Variants in OR5A1 observed in about 807,000 individuals in gnomAD.
OR5A1 encodes the protein olfactory receptor family 5 subfamily A member 1.
Under a neutral mutation model 6.7 loss-of-function variants are expected in OR5A1, and 6 were observed. The observed-to-expected ratio is 0.89, with a 90% CI of 0.49 to 1.76. The LOEUF is 1.76. Ranked by LOEUF, OR5A1 falls within the 40% of genes most tolerant of loss-of-function variation. The pLI is 0.01. For missense variants in OR5A1, 378 were observed against 381.7 expected (o/e 0.99, Z 0.08); for synonymous variants, 170 against 155.0 (o/e 1.10, Z -0.72).
rs1858528162 is a variant in OR5A1 at position 59,444,732 on chromosome 11, T to C, written c.*616T>C. 6.6e-6 allele frequency: 1 copy of C among 152,284 alleles called. No homozygotes were observed. Among genetic ancestry groups the C allele is most frequent in the African/African-American group, 2.4e-5 (1 of 41,450 alleles). 9.4% of individuals were successfully genotyped at this position (152,284 alleles called of 1,614,324 possible). On this transcript the variant is annotated 3_prime_UTR_variant, in exon 2 of 2. Coordinates refer to ENST00000641045, the MANE Select transcript of OR5A1 (RefSeq NM_001004728.2). Reference sequence around the variant, plus strand: ...AGGTAAATTAGAAAAACAAGATGCCTACCTCATCAAATGCCCTCTCTAGGA... The same window carrying C: ...AGGTAAATTAGAAAAACAAGATGCCCACCTCATCAAATGCCCTCTCTAGGA...
chr11:59,443,603 A>G lies in OR5A1; in HGVS notation c.435A>G (p.Thr145=). The G allele has an allele frequency of 6.2e-7, 1 of 1,613,868 alleles. No individual in the cohort carries two copies. Among genetic ancestry groups the G allele is most frequent in the Non-Finnish European group, 8.5e-7 (1 of 1,179,966 alleles). ...YPTIMTQGLC[T]RMVVGAYVGG... ...CTATCATGACCCAGGGCCTCTGTAC[A>G]CGCATGGTGGTTGGGGCATATGTTG... The change falls in exon 2 of 2, where the codon ACA becomes ACG. Residue 145 remains threonine (T), a synonymous_variant. Transcript: ENST00000641045.
At chr11:59,442,085 C>T (rs1858488397) in intron 1 of OR5A1, among the ~76,000 whole-genome samples, 1 of 152,172 alleles carries the variant, frequency 6.6e-6, no homozygotes, top group East Asian at 1.9e-4. Context: ...TGGTCAACAT[C>T]GCACATCTAC....
In OR5A1 at chr11:59,444,987, T is replaced by G. The variant is rs1317874994; in HGVS notation, c.*871T>G. 6.6e-6 allele frequency: 1 copy of G among 152,164 alleles called. No individual in the cohort carries two copies. Among genetic ancestry groups the G allele is most frequent in the African/African-American group, 2.4e-5 (1 of 41,428 alleles). The allele number at this position is 152,164 out of a possible 1,614,324, so 9.4% of individuals were successfully genotyped here. A position where few individuals can be genotyped will look rare whatever the true frequency, so the allele number is the denominator to read the frequency against. ...AATATTTCACTAAATGTTGTATTTTTTTTCTTTTAATTTAATTTAATTTTA... is the reference window on the plus strand; with the variant it reads ...AATATTTCACTAAATGTTGTATTTTGTTTCTTTTAATTTAATTTAATTTTA... On this transcript the variant is annotated 3_prime_UTR_variant, in exon 2 of 2. Transcript: ENST00000641045.
rs894183882 is a variant in OR5A1, at chr11:59,450,285, G to C, written c.*6169G>C. The C allele has an allele frequency of 6.6e-6, 1 of 152,134 alleles. No homozygotes were observed. The highest frequency in any genetic ancestry group is 1.5e-5 in the Non-Finnish European group (1 of 68,022). 9.4% of individuals were successfully genotyped at this position (152,134 alleles called of 1,614,324 possible). ...AAGGTGATTGACCAGAAGAGTAGGTGGAATAATGTTAATCTGAAAGAGAAG... is the reference window on the plus strand; with the variant it reads ...AAGGTGATTGACCAGAAGAGTAGGTCGAATAATGTTAATCTGAAAGAGAAG... On this transcript the variant is annotated 3_prime_UTR_variant, in exon 2 of 2. Coordinates refer to ENST00000641045, the MANE Select transcript of OR5A1 (RefSeq NM_001004728.2).
chr11:59,437,498 GGCTTGATA>G (rs1858432169), intron 1 of OR5A1, among the ~76,000 whole-genome samples: 1 of 152,076 alleles, frequency 6.6e-6, no homozygotes, highest in Admixed American at 6.5e-5. Context: ...GTCTTTTCAT[GGCTTGATA>G]GCTCATTTAT....
In OR5A1 at chr11:59,443,215, T is replaced by A. The variant is rs542921482; in HGVS notation, c.47T>A (p.Ile16Asn). 6.2e-7 allele frequency: 1 copy of A among 1,614,104 alleles called. No individual in the cohort carries two copies. Among genetic ancestry groups the A allele is most frequent in the Admixed American group, 1.7e-5 (1 of 60,012 alleles). ...AWNSSSVTMF[I>N]LLGFTDHPEL... ...AACAGCTCATCAGTGACCATGTTCA[T>A]CCTCCTGGGATTCACAGACCATCCA... Residue 16 changes from isoleucine to asparagine, a missense_variant, in exon 2 of 2, where the codon ATC becomes AAC. Ile to Asn is a moderately radical substitution (Grantham distance 149). Coordinates refer to ENST00000641045, the MANE Select transcript of OR5A1 (RefSeq NM_001004728.2).
chr11:59,439,473 C>T (rs115362352), intron 1 of OR5A1, among the ~76,000 whole-genome samples: 4 of 152,280 alleles, frequency 2.6e-5, no homozygotes, highest in African/African-American at 9.6e-5. Flanking sequence ...CCAGGCTCCC[C>T]AAGTTTGCTG....
At chr11:59,439,222 C>A (rs748130998) in intron 1 of OR5A1, among the ~76,000 whole-genome samples, 3 of 152,176 alleles carry the variant, frequency 2.0e-5, no homozygotes, top group Non-Finnish European at 4.4e-5. Flanking sequence ...ATCAACTCTA[C>A]GAGTCCCCAT....
At position 59,443,591 on chromosome 11, in the gene OR5A1, G is replaced by A. The variant is rs762371779; in HGVS notation, c.423G>A (p.Gln141=). ...SPLLYPTIMT[Q]GLCTRMVVGA... is the part of the protein sequence containing the mutation. ...TTCTCTACCCCACTATCATGACCCA[G>A]GGCCTCTGTACACGCATGGTGGTTG... Residue 141 remains glutamine (Q), a synonymous_variant, in exon 2 of 2, where the codon CAG becomes CAA. Transcript: ENST00000641045. 6.2e-7 allele frequency: 1 copy of A among 1,613,940 alleles called. No individual in the cohort carries two copies. Among genetic ancestry groups the A allele is most frequent in the Admixed American group, 1.7e-5 (1 of 59,986 alleles).
rs1170347507 is a variant in OR5A1 at position 59,450,316 on chromosome 11, A to G, written c.*6200A>G. The G allele has an allele frequency of 6.6e-6, 1 of 152,212 alleles. No individual in the cohort carries two copies. Among genetic ancestry groups the G allele is most frequent in the Non-Finnish European group, 1.5e-5 (1 of 68,040 alleles). 9.4% of individuals were successfully genotyped at this position (152,212 alleles called of 1,614,324 possible). A position where few individuals can be genotyped will look rare whatever the true frequency, so the allele number is the denominator to read the frequency against. On this transcript the variant is annotated 3_prime_UTR_variant, in exon 2 of 2. Transcript: ENST00000641045. ...ATGTTAATCTGAAAGAGAAGTCAAC[A>G]GTAAGTAGATTTGACCTCAGTTCCC...
intron 1 of OR5A1, 108 bp from the exon 2 acceptor site, chr11:59,443,028 A>G (rs1007622165): frequency 4.8e-6 from 3 of 622,660 alleles, no homozygotes; most frequent in Admixed American, 2.9e-5. Context: ...AAAGAGAAAG[A>G]GAGTCTTTGC....
At position 59,443,590 on chromosome 11, in the gene OR5A1, A is replaced by G. The variant is rs1445328148; in HGVS notation, c.422A>G (p.Gln141Arg). ...CTTCTCTACCCCACTATCATGACCCAGGGCCTCTGTACACGCATGGTGGTT... is the reference window on the plus strand; with the variant it reads ...CTTCTCTACCCCACTATCATGACCCGGGGCCTCTGTACACGCATGGTGGTT... ...SPLLYPTIMT[Q>R]GLCTRMVVGA... The change falls in exon 2 of 2, where the codon CAG (glutamine) becomes CGG (arginine). Residue 141 changes from glutamine (Q) to arginine (R), a missense_variant. Transcript: ENST00000641045. 1.2e-6 allele frequency: 2 copies of G among 1,613,786 alleles called. No individual in the cohort carries two copies. Among genetic ancestry groups the G allele is most frequent in the Admixed American group, 3.3e-5 (2 of 59,980 alleles).
intron 1 of OR5A1, among the ~76,000 whole-genome samples, chr11:59,438,990 C>G (rs1858452499): frequency 1.3e-5 from 2 of 152,154 alleles, no homozygotes; most frequent in Non-Finnish European, 1.5e-5. Context: ...CAGGCACTGG[C>G]AGGGATGAGA....
chr11:59,443,721 C>CCACCAGT lies in OR5A1; in HGVS notation c.555_561dup (p.Leu188ThrfsTer9), dbSNP rs1433281375. Reference sequence around the variant, plus strand: ...CATCAACCACTTCTTCTGCGACCTCCCACCAGTCCTGGCTCTGTCTTGCTC... The same window carrying CCACCAGT: ...CATCAACCACTTCTTCTGCGACCTCCCACCAGTCACCAGTCCTGGCTCTGTCTTGCTC... On this transcript the variant is annotated frameshift_variant, in exon 2 of 2. Coordinates refer to ENST00000641045, the MANE Select transcript of OR5A1 (RefSeq NM_001004728.2). LOFTEE classifies it high-confidence loss of function. 1 of 1,613,994 alleles carries CCACCAGT rather than the reference C, an allele frequency of 6.2e-7. No individual in the cohort carries two copies. Among genetic ancestry groups the CCACCAGT allele is most frequent in the East Asian group, 2.2e-5 (1 of 44,886 alleles).
Position 59,449,421 on chromosome 11 carries a change from A to C in OR5A1, c.*5305A>C, listed in dbSNP as rs1858590193. 1 of 152,188 alleles carries C rather than the reference A, an allele frequency of 6.6e-6. No individual in the cohort carries two copies. The highest frequency in any genetic ancestry group is 1.5e-5 in the Non-Finnish European group (1 of 68,024). 9.4% of individuals were successfully genotyped at this position (152,188 alleles called of 1,614,324 possible). On this transcript the variant is annotated 3_prime_UTR_variant, in exon 2 of 2. Coordinates refer to ENST00000641045, the MANE Select transcript of OR5A1 (RefSeq NM_001004728.2). ...GGAAGTATATGTCATCTTGAACTAGAAGCTTCAGGCTGATTAAGATCTCCT... is the reference window on the plus strand; with the variant it reads ...GGAAGTATATGTCATCTTGAACTAGCAGCTTCAGGCTGATTAAGATCTCCT...
chr11:59,441,250 A>G (rs1434969126), intron 1 of OR5A1, among the ~76,000 whole-genome samples: 1 of 152,206 alleles, frequency 6.6e-6, no homozygotes, highest in Non-Finnish European at 1.5e-5. Context: ...CTATGATACA[A>G]ACACCTATGC....
At position 59,449,425 on chromosome 11, in the gene OR5A1, T is replaced by C. The variant is rs553318849; in HGVS notation, c.*5309T>C. 31 of 152,294 alleles carry C rather than the reference T, an allele frequency of 2.0e-4. No individual in the cohort carries two copies. The highest frequency in any genetic ancestry group is 7.5e-4 in the African/African-American group (31 of 41,572). 9.4% of individuals were successfully genotyped at this position (152,294 alleles called of 1,614,324 possible). ...GTATATGTCATCTTGAACTAGAAGC[T>C]TCAGGCTGATTAAGATCTCCTACTT... On this transcript the variant is annotated 3_prime_UTR_variant, in exon 2 of 2. Coordinates refer to ENST00000641045, the MANE Select transcript of OR5A1 (RefSeq NM_001004728.2).
Position 59,446,218 on chromosome 11 carries a change from C to G in OR5A1, c.*2102C>G, listed in dbSNP as rs1858547664. ...TTCTGTATATGGCTAGCCAGTTTTCCCAGCACCATTTATTAGATAGGGAAT... is the reference window on the plus strand; with the variant it reads ...TTCTGTATATGGCTAGCCAGTTTTCGCAGCACCATTTATTAGATAGGGAAT... On this transcript the variant is annotated 3_prime_UTR_variant, in exon 2 of 2. Transcript: ENST00000641045. 1 of 152,102 alleles carries G rather than the reference C, an allele frequency of 6.6e-6. No homozygotes were observed. The highest frequency in any genetic ancestry group is 2.4e-5 in the African/African-American group (1 of 41,396). The allele number at this position is 152,102 out of a possible 1,614,324, so 9.4% of individuals were successfully genotyped here. A position where few individuals can be genotyped will look rare whatever the true frequency, so the allele number is the denominator to read the frequency against.
In OR5A1 at chr11:59,443,644, C is replaced by A; in HGVS notation, c.476C>A (p.Ser159Tyr). Reference sequence around the variant, plus strand: ...GCATATGTTGGTGGCTTCCTGAGCTCCCTGATCCAGGCCAGCTCCATATTT... The same window carrying A: ...GCATATGTTGGTGGCTTCCTGAGCTACCTGATCCAGGCCAGCTCCATATTT... ...VGAYVGGFLSSLIQASSIFRL... is the reference protein window; with the variant it reads ...VGAYVGGFLSYLIQASSIFRL... The change falls in exon 2 of 2, where the codon TCC becomes TAC. Residue 159 changes from serine (S) to tyrosine (Y), a missense_variant. By Grantham distance (144) the Ser-to-Tyr change is moderately radical. Transcript: ENST00000641045. 2 of 1,614,104 alleles carry A rather than the reference C, an allele frequency of 1.2e-6. No individual in the cohort carries two copies. The highest frequency in any genetic ancestry group is 1.7e-6 in the Non-Finnish European group (2 of 1,180,018).
Sources: allele counts gnomAD v4.1 joint callset (sites outside exome capture counted in the v4.1 genomes callset), GRCh38; gene constraint gnomAD v4.1.1; transcripts MANE v1.5; gene names NCBI Gene and HGNC (gene_info 2026-07-23, HGNC 2026-07-21).